RGS6: variants seen among roughly 807,000 people sequenced by gnomAD.
RGS6 encodes the protein regulator of G-protein signaling 6.
RGS6 carries 30 observed loss-of-function variants against 78.5 expected under a neutral mutation model. The observed-to-expected ratio is 0.38, with a 90% CI of 0.29 to 0.52. RGS6 has a LOEUF of 0.52. RGS6 is among the 20% of genes least tolerant of loss of function. RGS6 has a pLI of 0.85. For missense variants in RGS6, 495 were observed against 609.7 expected, an observed-to-expected ratio of 0.81 and a Z score of 1.98; for synonymous variants, 206 against 206.0, an observed-to-expected ratio of 1.00 and a Z score of 0.00.
Position 71,958,207 on chromosome 14 carries a change from C to T in RGS6, c.-20-6565C>T, listed in dbSNP as rs146340219. Among the ~76,000 whole-genome samples the T allele has an allele frequency of 2.6e-3, 401 of 152,246 alleles. 2 individuals carry two copies. Among genetic ancestry groups the T allele is most frequent in the African/African-American group, 9.1e-3 (377 of 41,540 alleles). ...GATTAGTTGAGGACCTACTATGTTC[C>T]AGGCTTTGTGCCAAACATCTACTTT... On this transcript the variant is annotated intron_variant, in intron 1 of 17. Transcript: ENST00000553525.
At chr14:72,136,091 G>A (rs995111628) in intron 2 of RGS6, among the ~76,000 whole-genome samples, 1 of 152,032 alleles carries the variant, frequency 6.6e-6, no homozygotes, top group Non-Finnish European at 1.5e-5. Context: ...ATCTTGCTTT[G>A]CTGGAGCTAC....
chr14:71,884,574 G>A, the RGS6 span, among the ~76,000 whole-genome samples: 1 of 152,170 alleles, frequency 6.6e-6, no homozygotes, highest in African/African-American at 2.4e-5. Context: ...AGAGGGAGAA[G>A]AGTCAAGGGT....
At position 72,476,283 on chromosome 14, in the gene RGS6, G is replaced by A. The variant is rs938070890; in HGVS notation, c.694-459G>A. On this transcript the variant is annotated intron_variant, in intron 10 of 17. Coordinates refer to ENST00000553525, the MANE Select transcript of RGS6 (RefSeq NM_001204424.2). ...TGCTGACCAACGGAAATGTAGAGGG[G>A]ATCTTTTGTGCATACTCTTTGGCAG... is the stretch of plus-strand genomic sequence containing the variant. Among the ~76,000 whole-genome samples, 6 of 152,330 alleles carry A rather than the reference G, an allele frequency of 3.9e-5. 1 individual carries two copies. The South Asian group carries it at 6.2e-4, about 16-fold the overall frequency.
chr14:72,302,681 TAC>T (rs34627833), intron 2 of RGS6, among the ~76,000 whole-genome samples: 12,489 of 146,778 alleles, frequency 0.085, 680 homozygotes, highest in East Asian at 0.3. Context: ...CACATACACA[TAC>T]ACACACACAC....
the RGS6 span, among the ~76,000 whole-genome samples, chr14:72,623,807 T>C: frequency 6.6e-6 from 1 of 152,222 alleles, no homozygotes; most frequent in Non-Finnish European, 1.5e-5. Flanking sequence ...TTAGCACCTC[T>C]AGCACCCATA....
At chr14:72,237,355 T>A (rs2051379711) in intron 2 of RGS6, among the ~76,000 whole-genome samples, 1 of 152,186 alleles carries the variant, frequency 6.6e-6, no homozygotes, top group African/African-American at 2.4e-5. Flanking sequence ...TCTGATTACT[T>A]TTGAAACTCC....
At position 72,068,498 on chromosome 14, in the gene RGS6, ATT is replaced by A. The variant is rs11330539; in HGVS notation, c.84+103639_84+103640del. Among the ~76,000 whole-genome samples the A allele has an allele frequency of 2.5e-3, 288 of 117,300 alleles. 2 individuals carry two copies. The highest frequency in any genetic ancestry group is 0.016 in the East Asian group (64 of 3,890). The allele number at this position is 117,300 out of a possible 152,430, so 77.0% of individuals were successfully genotyped here. Reference sequence around the variant, plus strand: ...TCCGTCTCTCCCTCCCACTCTTCCTATTTTTTTTTTTTTTTTTGAGACAGAGT... The same window carrying A: ...TCCGTCTCTCCCTCCCACTCTTCCTATTTTTTTTTTTTTTTGAGACAGAGT... On this transcript the variant is annotated intron_variant, in intron 2 of 17. Transcript: ENST00000553525.
At chr14:72,582,225 C>A in the RGS6 span, among the ~76,000 whole-genome samples, 6 of 152,144 alleles carry the variant, frequency 3.9e-5, no homozygotes, top group Non-Finnish European at 5.9e-5. Flanking sequence ...TCAACATGAG[C>A]TTCAGTGGAA....
At chr14:72,213,924 C>T (rs551310919) in intron 2 of RGS6, among the ~76,000 whole-genome samples, 9 of 152,264 alleles carry the variant, frequency 5.9e-5, no homozygotes, top group East Asian at 5.8e-4. Context: ...ACATTGAACA[C>T]GATCTTTTCT....
At chr14:71,987,589 G>C (rs779946153) in intron 2 of RGS6, among the ~76,000 whole-genome samples, 1 of 152,094 alleles carries the variant, frequency 6.6e-6, no homozygotes, top group Non-Finnish European at 1.5e-5. Flanking sequence ...GTAATGGTGT[G>C]ATCTTGGCTC....
the RGS6 span, among the ~76,000 whole-genome samples, chr14:72,590,749 T>C: frequency 1.3e-5 from 2 of 152,154 alleles, no homozygotes; most frequent in Admixed American, 6.5e-5. Flanking sequence ...GCAGGAAGTC[T>C]AGCGGATAAG....
intron 17 of RGS6, among the ~76,000 whole-genome samples, chr14:72,543,903 T>C (rs1310125476): frequency 6.6e-6 from 1 of 152,100 alleles, no homozygotes; most frequent in Non-Finnish European, 1.5e-5. Context: ...ACCCGGCTAA[T>C]TTTTGTACTT....
intron 3 of RGS6, among the ~76,000 whole-genome samples, chr14:72,452,607 C>A (rs112092723): frequency 1.5e-4 from 23 of 152,360 alleles, no homozygotes; most frequent in African/African-American, 5.0e-4. Context: ...GATCCCCAGG[C>A]CTTCAGCCAG....
At chr14:72,160,746 A>T (rs1306265566) in intron 2 of RGS6, among the ~76,000 whole-genome samples, 6 of 152,188 alleles carry the variant, frequency 3.9e-5, no homozygotes, top group African/African-American at 1.4e-4. Context: ...TACAAGCCAT[A>T]AAAAGAGCCC....
intron 12 of RGS6, among the ~76,000 whole-genome samples, chr14:72,490,313 A>G (rs1009793010): frequency 6.6e-6 from 1 of 152,166 alleles, no homozygotes; most frequent in Non-Finnish European, 1.5e-5. Context: ...GCCTCCCACC[A>G]TGATTGTGAG....
chr14:72,553,405 G>T (rs1332406198), intron 17 of RGS6: 2 of 152,616 alleles, frequency 1.3e-5, no homozygotes, highest in Non-Finnish European at 2.9e-5. Context: ...GAATCCTTCT[G>T]CACAGAAGGT....
rs199872627 is a variant in RGS6 at position 71,974,995 on chromosome 14, T to TA, written c.84+10129dup. Among the ~76,000 whole-genome samples, 135 of 151,520 alleles carry TA rather than the reference T, an allele frequency of 8.9e-4. 2 individuals carry two copies. Among genetic ancestry groups the TA allele is most frequent in the Non-Finnish European group, 1.2e-3 (82 of 67,804 alleles). On this transcript the variant is annotated intron_variant, in intron 2 of 17. Transcript: ENST00000553525. The stretch of plus-strand genomic sequence containing the variant: ...TCTCTACAAAAAGAAAGAAATAAAA[T>TA]AAAAAAAAATTAGCTGTGCATGTTA...
intron 2 of RGS6, among the ~76,000 whole-genome samples, chr14:72,296,752 G>A (rs916865718): frequency 6.6e-6 from 1 of 152,096 alleles, no homozygotes; most frequent in African/African-American, 2.4e-5. Context: ...TTATTTTATT[G>A]AGATTGTCTT....
At chr14:71,874,487 G>T in the RGS6 span, among the ~76,000 whole-genome samples, 37 of 152,290 alleles carry the variant, frequency 2.4e-4, no homozygotes, top group African/African-American at 8.4e-4. Context: ...TTTGCACATT[G>T]ATTTTGTATC....
Sources: allele counts gnomAD v4.1 joint callset (sites outside exome capture counted in the v4.1 genomes callset), GRCh38; gene constraint gnomAD v4.1.1; transcripts MANE v1.5; gene names NCBI Gene and HGNC (gene_info 2026-07-23, HGNC 2026-07-21).